Variants in NRG3 observed in about 807,000 individuals in gnomAD.
NRG3 encodes the protein neuregulin 3.
A neutral mutation model predicts 66.9 loss-of-function variants in NRG3; 31 were observed. The ratio of observed to expected loss-of-function variants is 0.46; its 90% confidence interval spans 0.35 to 0.63. NRG3 has a LOEUF of 0.63. Ranked by LOEUF, NRG3 falls within the 20% of genes least tolerant of loss-of-function variation. The pLI, the probability that NRG3 is intolerant of heterozygous loss-of-function variation, is 0.00. For synonymous variants in NRG3, 393 were observed against 359.4 expected (o/e 1.09, Z -1.06); for missense variants, 910 against 878.9 (o/e 1.04, Z -0.45).
At chr10:82,445,563 G>T (rs2090674978) in intron 2 of NRG3, among the ~76,000 whole-genome samples, 1 of 152,098 alleles carries the variant, frequency 6.6e-6, no homozygotes, top group Non-Finnish European at 1.5e-5. Flanking sequence ...CCCTTAGCTT[G>T]CTGGTTGGTG....
intron 1 of NRG3, among the ~76,000 whole-genome samples, chr10:82,316,819 A>T (rs2081319815): frequency 6.6e-6 from 1 of 152,144 alleles, no homozygotes; most frequent in South Asian, 2.1e-4. Context: ...ATTTTCTATA[A>T]TTTCAGAAAA....
intron 2 of NRG3, among the ~76,000 whole-genome samples, chr10:82,550,456 T>G (rs1255888276): frequency 6.6e-6 from 1 of 152,144 alleles, no homozygotes; most frequent in Non-Finnish European, 1.5e-5. Context: ...ATATTTCCAT[T>G]TCCCAATAGG....
chr10:82,148,390 A>T (rs147870309), intron 1 of NRG3, among the ~76,000 whole-genome samples: 2 of 152,094 alleles, frequency 1.3e-5, no homozygotes, highest in Admixed American at 1.3e-4. Flanking sequence ...TTTCTAACCC[A>T]TGGTTGATAC....
intron 1 of NRG3, among the ~76,000 whole-genome samples, chr10:82,215,608 A>G (rs1335136254): frequency 6.6e-6 from 1 of 152,220 alleles, no homozygotes; most frequent in East Asian, 1.9e-4. Flanking sequence ...TGTGTTCTGA[A>G]TAAATTATGC....
intron 1 of NRG3, among the ~76,000 whole-genome samples, chr10:82,156,230 A>G (rs932001312): frequency 2.6e-5 from 4 of 151,494 alleles, no homozygotes; most frequent in Non-Finnish European, 4.4e-5. Context: ...CTACACTTAC[A>G]TAGATTGATT....
At chr10:82,631,588 G>T (rs1273370030) in intron 2 of NRG3, among the ~76,000 whole-genome samples, 155 of 132,362 alleles carry the variant, frequency 1.2e-3, no homozygotes, top group African/African-American at 3.6e-3. Context: ...TTCAGCCGTG[G>T]TTTTTTTTTT....
In NRG3 at chr10:82,470,518, T is replaced by C. The variant is rs568036257; in HGVS notation, c.953+111650T>C. On this transcript the variant is annotated intron_variant, in intron 2 of 8. Coordinates refer to ENST00000372141, the MANE Select transcript of NRG3 (RefSeq NM_001010848.4). The stretch of plus-strand genomic sequence containing the variant: ...AATCATGGAGAGTTCAATAGTACTT[T>C]GTTAAGACTGGAAAGATTCTGCACC... Among the ~76,000 whole-genome samples the C allele has an allele frequency of 2.0e-5, 3 of 152,364 alleles. No homozygotes were observed. The South Asian group carries it at 6.2e-4, about 32-fold the overall frequency.
At chr10:82,276,396 T>C (rs1355834981) in intron 1 of NRG3, among the ~76,000 whole-genome samples, 3 of 152,048 alleles carry the variant, frequency 2.0e-5, no homozygotes, top group Non-Finnish European at 4.4e-5. Flanking sequence ...AAAAGTGATT[T>C]GTAAAAACTG....
chr10:82,628,307 T>G (rs2049564428), intron 2 of NRG3, among the ~76,000 whole-genome samples: 1 of 152,192 alleles, frequency 6.6e-6, no homozygotes, highest in Non-Finnish European at 1.5e-5. Flanking sequence ...TCAGGAGACG[T>G]TATTTTTTTA....
chr10:82,721,240 G>A (rs1034719732), intron 2 of NRG3, among the ~76,000 whole-genome samples: 4 of 130,554 alleles, frequency 3.1e-5, no homozygotes, highest in Non-Finnish European at 6.3e-5. Context: ...CACGCCATTC[G>A]TCTGCCTCAG....
In NRG3 at chr10:82,371,792, A is replaced by G. The variant is rs532989661; in HGVS notation, c.953+12924A>G. Among the ~76,000 whole-genome samples the G allele has an allele frequency of 7.9e-5, 12 of 152,332 alleles. No homozygotes were observed. The South Asian group carries it at 2.3e-3, about 29-fold the overall frequency. On this transcript the variant is annotated intron_variant, in intron 2 of 8. Coordinates refer to ENST00000372141, the MANE Select transcript of NRG3 (RefSeq NM_001010848.4). ...GGGGAGCATTATGTGCAGAGATCAC[A>G]CAAGGAAAGAGGGAACCAGTGGTGA...
chr10:82,506,370 T>C (rs1204375006), intron 2 of NRG3, among the ~76,000 whole-genome samples: 3 of 152,206 alleles, frequency 2.0e-5, no homozygotes, highest in South Asian at 4.1e-4. Context: ...ATAAGTAATT[T>C]CTTCCAACAA....
chr10:82,980,530 C>G (rs931021213), intron 8 of NRG3, among the ~76,000 whole-genome samples: 20 of 152,130 alleles, frequency 1.3e-4, no homozygotes, highest in Non-Finnish European at 2.9e-4. Context: ...TCCAGACTGT[C>G]TCTATCAGGC....
At chr10:82,212,084 G>C (rs966136570) in intron 1 of NRG3, among the ~76,000 whole-genome samples, 3 of 152,114 alleles carry the variant, frequency 2.0e-5, no homozygotes, top group African/African-American at 7.2e-5. Context: ...AGTCATTTCA[G>C]TTTGCTTGGC....
chr10:82,609,927 T>C (rs545223090), intron 2 of NRG3, among the ~76,000 whole-genome samples: 7 of 152,300 alleles, frequency 4.6e-5, no homozygotes, highest in Non-Finnish European at 1.5e-5. Context: ...AGGTCAGAAA[T>C]CTGGGTGTAC....
At chr10:82,122,207 T>A (rs902989058) in intron 1 of NRG3, among the ~76,000 whole-genome samples, 1 of 152,190 alleles carries the variant, frequency 6.6e-6, no homozygotes, top group Non-Finnish European at 1.5e-5. Flanking sequence ...ACTGATTTTT[T>A]AATTATAAAA....
intron 1 of NRG3, among the ~76,000 whole-genome samples, chr10:82,214,700 C>A (rs534208871): frequency 6.6e-6 from 1 of 152,190 alleles, no homozygotes; most frequent in African/African-American, 2.4e-5. Context: ...GAACTCCTGG[C>A]CACAAGTGAT....
chr10:82,038,347 C>T (rs1482507289), intron 1 of NRG3, among the ~76,000 whole-genome samples: 1 of 152,152 alleles, frequency 6.6e-6, no homozygotes, highest in South Asian at 2.1e-4. Context: ...TTTCCAAACA[C>T]CAGGCTGTAT....
intron 1 of NRG3, among the ~76,000 whole-genome samples, chr10:82,332,684 C>G (rs1193280785): frequency 2.0e-5 from 3 of 152,178 alleles, no homozygotes; most frequent in Non-Finnish European, 4.4e-5. Flanking sequence ...TGTCTCATCT[C>G]TCTACTGGCA....
Sources: allele counts gnomAD v4.1 joint callset (sites outside exome capture counted in the v4.1 genomes callset), GRCh38; gene constraint gnomAD v4.1.1; transcripts MANE v1.5; gene names NCBI Gene and HGNC (gene_info 2026-07-23, HGNC 2026-07-21).